Variants in SGPL1 observed in about 807,000 individuals in gnomAD.
SGPL1 encodes SP-lyase 1.
A neutral mutation model predicts 68.9 loss-of-function variants in SGPL1; 37 were observed. The ratio of observed to expected loss-of-function variants is 0.54; its 90% CI spans 0.41 to 0.71. SGPL1 has a LOEUF of 0.71. Ranked by LOEUF, SGPL1 falls within the 30% of genes least tolerant of loss-of-function variation. The pLI, the probability that SGPL1 is intolerant of heterozygous loss-of-function variation, is 0.00. For missense variants in SGPL1, 551 were observed against 704.6 expected (o/e 0.78, Z 2.47); for synonymous variants, 236 against 248.5 (o/e 0.95, Z 0.47).
In SGPL1 at chr10:70,869,712, G is replaced by A. The variant is rs371620860; in HGVS notation, c.705-80G>A. On this transcript the variant is annotated intron_variant, in intron 8 of 14. Transcript: ENST00000373202. Reference sequence around the variant, plus strand: ...GGAAAAATAATCAGAACTTACTCCCGGTAATTTAGATTAGCTGCTAATGGT... The same window carrying A: ...GGAAAAATAATCAGAACTTACTCCCAGTAATTTAGATTAGCTGCTAATGGT... 1,082 of 1,021,538 alleles carry A rather than the reference G, an allele frequency of 1.1e-3. 7 individuals are homozygous for A. The South Asian group carries it at 0.013, about 12-fold the overall frequency. 63.3% of individuals were successfully genotyped at this position (1,021,538 alleles called of 1,614,324 possible). A position where few individuals can be genotyped will look rare whatever the true frequency, so the allele number is the denominator to read the frequency against.
chr10:70,855,545 A>G (rs1845950969), intron 5 of SGPL1, among the ~76,000 whole-genome samples: 1 of 152,372 alleles, frequency 6.6e-6, no homozygotes, highest in East Asian at 1.9e-4. Context: ...ATAGTAGTAC[A>G]GTACTTACCT....
At chr10:70,854,452 G>A (rs1456142620) in intron 4 of SGPL1, among the ~76,000 whole-genome samples, 1 of 152,162 alleles carries the variant, frequency 6.6e-6, no homozygotes, top group Admixed American at 6.5e-5. Flanking sequence ...TGTGATAATA[G>A]GTGTAAGCCA....
intron 13 of SGPL1, among the ~76,000 whole-genome samples, chr10:70,876,245 G>A (rs766106611): frequency 6.6e-6 from 1 of 152,156 alleles, no homozygotes; most frequent in Non-Finnish European, 1.5e-5. Flanking sequence ...TGATGGTGAC[G>A]TGGTTGAAGG....
chr10:70,877,575 A>G lies in SGPL1; in HGVS notation c.*240A>G. ...TGATTTTGCCCTTGTTATAAATGTT[A>G]CCCTAGGAATTGTTTTAACCATTTC... is the stretch of plus-strand genomic sequence containing the variant. On this transcript the variant is annotated 3_prime_UTR_variant, in exon 15 of 15. Transcript: ENST00000373202. 2.2e-6 allele frequency: 1 copy of G among 463,720 alleles called. No individual in the cohort carries two copies. Among genetic ancestry groups the G allele is most frequent in the Non-Finnish European group, 3.9e-6 (1 of 258,232 alleles). 28.7% of individuals were successfully genotyped at this position (463,720 alleles called of 1,614,324 possible). A position where few individuals can be genotyped will look rare whatever the true frequency, so the allele number is the denominator to read the frequency against.
rs200343190 is a variant in SGPL1 at position 70,851,226 on chromosome 10, G to T, written c.261+16G>T. The T allele has an allele frequency of 4.1e-5, 66 of 1,594,888 alleles. No individual in the cohort carries two copies. In the East Asian group the frequency reaches 9.6e-4, roughly 23 times the overall value. ...TGGTCGTAAGGTAAGTAGAATCTGTGTATGTCATTTTTTCCCCTCTTGATA... is the reference window on the plus strand; with the variant it reads ...TGGTCGTAAGGTAAGTAGAATCTGTTTATGTCATTTTTTCCCCTCTTGATA... On this transcript the variant is annotated intron_variant, in intron 4 of 14. Coordinates refer to ENST00000373202, the MANE Select transcript of SGPL1 (RefSeq NM_003901.4).
chr10:70,841,172 GGTT>G (rs1385190320), intron 2 of SGPL1, among the ~76,000 whole-genome samples: 2 of 152,234 alleles, frequency 1.3e-5, no homozygotes, highest in African/African-American at 4.8e-5. Context: ...TTTGGATTGA[GGTT>G]GTTGATGCAA....
At chr10:70,847,364 G>GT in intron 3 of SGPL1, among the ~76,000 whole-genome samples, 1 of 152,170 alleles carries the variant, frequency 6.6e-6, no homozygotes, top group East Asian at 1.9e-4. Flanking sequence ...GGCCAGGCTG[G>GT]TTTTGAACTC....
intron 8 of SGPL1, 122 bp from the exon 9 acceptor site, chr10:70,869,670 T>A (rs1846253110): frequency 3.9e-6 from 3 of 761,990 alleles, no homozygotes; most frequent in Admixed American, 2.8e-5. Context: ...GTCTAAACAC[T>A]TAAATTTTTA....
intron 2 of SGPL1, among the ~76,000 whole-genome samples, chr10:70,831,950 A>G (rs1845546532): frequency 6.6e-6 from 1 of 152,178 alleles, no homozygotes; most frequent in Non-Finnish European, 1.5e-5. Flanking sequence ...CAGGTAAAAG[A>G]GGACAGGAGA....
At chr10:70,826,879 GTATA>G (rs560998423) in intron 2 of SGPL1, among the ~76,000 whole-genome samples, 229 of 152,142 alleles carry the variant, frequency 1.5e-3, no homozygotes, top group African/African-American at 5.3e-3. Flanking sequence ...TTTTATTGCT[GTATA>G]TATAGTATTT....
intron 5 of SGPL1, 122 bp from the exon 6 acceptor site, chr10:70,857,492 G>T: frequency 2.8e-6 from 2 of 708,932 alleles, no homozygotes; most frequent in Non-Finnish European, 5.0e-6. Flanking sequence ...AATGCTGTTG[G>T]GTTTCCACTC....
At position 70,877,724 on chromosome 10, in the gene SGPL1, G is replaced by A. The variant is rs1298099651; in HGVS notation, c.*389G>A. 6.0e-6 allele frequency: 1 copy of A among 167,982 alleles called. No homozygotes were observed. Among genetic ancestry groups the A allele is most frequent in the African/African-American group, 2.4e-5 (1 of 42,018 alleles). The allele number at this position is 167,982 out of a possible 1,614,324, so 10.4% of individuals were successfully genotyped here. The stretch of plus-strand genomic sequence containing the variant: ...TAGCTAGAGCTTCTTTGTTATCTCA[G>A]GCAGGAGGCGTTTACATAACAGATG... On this transcript the variant is annotated 3_prime_UTR_variant, in exon 15 of 15. Transcript: ENST00000373202.
intron 7 of SGPL1, among the ~76,000 whole-genome samples, chr10:70,861,582 G>A (rs1472825811): frequency 2.6e-5 from 4 of 152,222 alleles, no homozygotes; most frequent in African/African-American, 4.8e-5. Context: ...CACTGTAGGA[G>A]CCCCTTTCTG....
intron 3 of SGPL1, among the ~76,000 whole-genome samples, chr10:70,844,986 C>T (rs577653903): frequency 6.6e-6 from 1 of 152,304 alleles, no homozygotes; most frequent in Non-Finnish European, 1.5e-5. Flanking sequence ...GATCCACCCA[C>T]CTCGGCCTCC....
At chr10:70,832,117 A>G (rs1327023568) in intron 2 of SGPL1, among the ~76,000 whole-genome samples, 1 of 152,230 alleles carries the variant, frequency 6.6e-6, no homozygotes, top group Admixed American at 6.5e-5. Flanking sequence ...CTCACTTTCA[A>G]TAGATACCAC....
intron 7 of SGPL1, among the ~76,000 whole-genome samples, chr10:70,862,004 C>G (rs1369559054): frequency 2.0e-5 from 3 of 152,246 alleles, no homozygotes; most frequent in African/African-American, 7.2e-5. Flanking sequence ...GTCCCATCGA[C>G]CACCCAAGGG....
At chr10:70,834,830 A>G (rs1845598992) in intron 2 of SGPL1, among the ~76,000 whole-genome samples, 2 of 152,202 alleles carry the variant, frequency 1.3e-5, no homozygotes, top group African/African-American at 4.8e-5. Context: ...TAGGCAGTGG[A>G]AAAAACAATG....
chr10:70,825,835 A>G (rs1845424748), intron 2 of SGPL1, among the ~76,000 whole-genome samples: 1 of 152,230 alleles, frequency 6.6e-6, no homozygotes, highest in African/African-American at 2.4e-5. Flanking sequence ...AGTGTATATA[A>G]CAGAAAAACC....
In SGPL1 at chr10:70,844,588, T is replaced by C. The variant is rs1845763045; in HGVS notation, c.143T>C (p.Val48Ala). 6.2e-7 allele frequency: 1 copy of C among 1,613,978 alleles called. No individual in the cohort carries two copies. The highest frequency in any genetic ancestry group is 1.1e-5 in the South Asian group (1 of 91,082). ...TGGCAGCTAATTGCATGGAGTGTCGTGTGGACCCTGCTGATAGTCTGGGGA... is the reference window on the plus strand; with the variant it reads ...TGGCAGCTAATTGCATGGAGTGTCGCGTGGACCCTGCTGATAGTCTGGGGA... The part of the protein sequence containing the change: ...EPWQLIAWSV[V>A]WTLLIVWGYE... The change falls in exon 3 of 15, where the codon GTG becomes GCG. Residue 48 changes from valine (V) to alanine (A), a missense_variant. Physicochemically the swap from Val to Ala is moderately conservative, Grantham distance 64 (BLOSUM62 0). Coordinates refer to ENST00000373202, the MANE Select transcript of SGPL1 (RefSeq NM_003901.4).
Sources: gnomAD v4.1 joint callset for allele counts (sites outside exome capture counted in the v4.1 genomes callset) on GRCh38, gnomAD v4.1.1 for gene constraint, MANE v1.5 for transcripts, NCBI Gene and HGNC (gene_info 2026-07-23, HGNC 2026-07-21) for gene names.